The following GLIS1 variants were observed in gnomAD, a reference collection of about 807,000 sequenced individuals.
The protein encoded by GLIS1 is zinc finger protein GLIS1.
Under a neutral mutation model 63.8 loss-of-function variants are expected in GLIS1, and 24 were observed. The ratio of observed to expected loss-of-function variants is 0.38; its 90% confidence interval spans 0.27 to 0.53. The LOEUF (loss-of-function observed/expected upper bound fraction) is 0.53, where lower values mean the gene tolerates loss of function less well. Among genes scored for constraint, GLIS1 ranks in the 20% least tolerant of loss-of-function variants. The probability of loss-of-function intolerance (pLI) is 0.85; values close to 1 mark genes in which losing one functional copy is unlikely to be tolerated. For missense variants in GLIS1, 1,036 were observed against 1,074.1 expected (o/e 0.96, Z 0.50); for synonymous variants, 450 against 482.5 (o/e 0.93, Z 0.88).
intron 4 of GLIS1, among the ~76,000 whole-genome samples, chr1:53,593,212 C>G (rs1645210418): frequency 6.6e-6 from 1 of 152,258 alleles, no homozygotes. Flanking sequence ...CTTCTCAACA[C>G]CAAGCACACC....
intron 2 of GLIS1, among the ~76,000 whole-genome samples, chr1:53,615,817 G>A (rs939975887): frequency 6.6e-5 from 10 of 151,470 alleles, no homozygotes; most frequent in Admixed American, 1.3e-4. Context: ...GCACCATCTC[G>A]GCTCACTGCA....
chr1:53,735,926 A>G (rs1298111153), intron 2 of GLIS1, among the ~76,000 whole-genome samples: 1 of 152,164 alleles, frequency 6.6e-6, no homozygotes, highest in African/African-American at 2.4e-5. Context: ...AAACCTCTCC[A>G]AGCCCAGGAC....
intron 2 of GLIS1, among the ~76,000 whole-genome samples, chr1:53,663,468 A>G (rs1239230516): frequency 1.3e-5 from 2 of 152,220 alleles, no homozygotes; most frequent in African/African-American, 4.8e-5. Flanking sequence ...AGACCACTCC[A>G]GGCACAACTG....
intron 2 of GLIS1, among the ~76,000 whole-genome samples, chr1:53,630,919 G>A (rs1170068637): frequency 6.6e-6 from 1 of 152,174 alleles, no homozygotes; most frequent in African/African-American, 2.4e-5. Context: ...TAGTGGGGGC[G>A]AATATTTGAA....
intron 4 of GLIS1, among the ~76,000 whole-genome samples, chr1:53,538,114 G>A (rs1644600724): frequency 1.3e-5 from 2 of 152,242 alleles, no homozygotes; most frequent in African/African-American, 4.8e-5. Flanking sequence ...CTCCCCCGTG[G>A]GGCTCCTTGA....
At chr1:53,699,604 A>T (rs1646502405) in intron 2 of GLIS1, among the ~76,000 whole-genome samples, 1 of 152,206 alleles carries the variant, frequency 6.6e-6, no homozygotes, top group Non-Finnish European at 1.5e-5. Context: ...AGCATTTCAG[A>T]TTCCAGGTTT....
chr1:53,556,024 A>G (rs1448866670), intron 4 of GLIS1, among the ~76,000 whole-genome samples: 1 of 86,976 alleles, frequency 1.1e-5, no homozygotes, highest in South Asian at 4.7e-4. Context: ...GTGTGTGTGC[A>G]GGTGTATTGC....
chr1:53,605,605 G>C (rs1338238044), intron 2 of GLIS1, among the ~76,000 whole-genome samples: 1 of 152,220 alleles, frequency 6.6e-6, no homozygotes, highest in Non-Finnish European at 1.5e-5. Context: ...TCGGTGCAAT[G>C]AAAGTCCTAC....
chr1:53,588,526 T>C (rs1645158544), intron 4 of GLIS1, among the ~76,000 whole-genome samples: 1 of 152,176 alleles, frequency 6.6e-6, no homozygotes, highest in Non-Finnish European at 1.5e-5. Flanking sequence ...TCTCTGTCTG[T>C]ATGTGATGGG....
At chr1:53,542,105 T>C (rs1035197831) in intron 4 of GLIS1, among the ~76,000 whole-genome samples, 1 of 152,222 alleles carries the variant, frequency 6.6e-6, no homozygotes, top group Non-Finnish European at 1.5e-5. Context: ...CAGTGACATC[T>C]GGTTATAAGC....
At chr1:53,661,868 C>T (rs1646032477) in intron 2 of GLIS1, among the ~76,000 whole-genome samples, 1 of 152,170 alleles carries the variant, frequency 6.6e-6, no homozygotes, top group Admixed American at 6.5e-5. Flanking sequence ...GTCATTCAAC[C>T]CAGGACTGCC....
At chr1:53,665,338 G>A (rs1243542705) in intron 2 of GLIS1, among the ~76,000 whole-genome samples, 1 of 152,112 alleles carries the variant, frequency 6.6e-6, no homozygotes. Context: ...GATGCCAGGG[G>A]TTCATTTTGG....
chr1:53,627,088 A>G (rs1444419848), intron 2 of GLIS1, among the ~76,000 whole-genome samples: 1 of 152,230 alleles, frequency 6.6e-6, no homozygotes, highest in African/African-American at 2.4e-5. Context: ...CCACAACCAC[A>G]GCCACACTGA....
chr1:53,719,022 G>A (rs957783542), intron 2 of GLIS1, among the ~76,000 whole-genome samples: 5 of 152,156 alleles, frequency 3.3e-5, no homozygotes, highest in Admixed American at 2.0e-4. Flanking sequence ...CGGTTGGCAG[G>A]CACCCGCATG....
chr1:53,734,608 C>A (rs919517157), intron 2 of GLIS1, among the ~76,000 whole-genome samples: 1 of 152,162 alleles, frequency 6.6e-6, no homozygotes, highest in Non-Finnish European at 1.5e-5. Context: ...CAGTATCTGC[C>A]CAGCACTTTA....
chr1:53,563,822 A>G (rs1388183200), intron 4 of GLIS1, among the ~76,000 whole-genome samples: 4 of 152,238 alleles, frequency 2.6e-5, no homozygotes, highest in African/African-American at 9.6e-5. Flanking sequence ...ACAGACACCC[A>G]TAAAAGAATG....
intron 2 of GLIS1, among the ~76,000 whole-genome samples, chr1:53,709,779 G>A (rs938282447): frequency 6.6e-6 from 1 of 152,182 alleles, no homozygotes; most frequent in Non-Finnish European, 1.5e-5. Context: ...CAGAGTACAT[G>A]ACAGGCATGG....
intron 2 of GLIS1, among the ~76,000 whole-genome samples, chr1:53,702,515 A>G (rs1646534236): frequency 6.6e-6 from 1 of 152,202 alleles, no homozygotes; most frequent in African/African-American, 2.4e-5. Context: ...GGGCAGGAAC[A>G]GGAGAGAGAG....
At position 53,739,137 on chromosome 1, in the gene GLIS1, C is replaced by T. The variant is rs1439576380; in HGVS notation, c.-75G>A. On this transcript the variant is annotated 5_prime_UTR_variant, in exon 1 of 11. Coordinates refer to ENST00000628545, the MANE Select transcript of GLIS1 (RefSeq NM_001367484.1). ...CGGCAGCTGCAGATCGCTGGGCGCC[C>T]GGCTCGGCGCGCCTCCACTGGCGCA... Among the ~76,000 whole-genome samples, 1 of 149,324 alleles carries T rather than the reference C, an allele frequency of 6.7e-6. No individual in the cohort carries two copies. The highest frequency in any genetic ancestry group is 1.5e-5 in the Non-Finnish European group (1 of 66,968).
Sources: allele counts gnomAD v4.1 joint callset (sites outside exome capture counted in the v4.1 genomes callset), GRCh38; gene constraint gnomAD v4.1.1; transcripts MANE v1.5; gene names NCBI Gene and HGNC (gene_info 2026-07-23, HGNC 2026-07-21).